Variants in ULK4 observed in about 807,000 individuals in gnomAD.
ULK4 encodes inactive serine/threonine-protein kinase ULK4.
Under a neutral mutation model 160.6 loss-of-function variants are expected in ULK4, and 133 were observed. The ratio of observed to expected loss-of-function variants is 0.83; its 90% CI spans 0.72 to 0.96. The LOEUF (loss-of-function observed/expected upper bound fraction) is 0.96, where lower values mean the gene tolerates loss of function less well. Ranked by LOEUF, ULK4 falls within the 40% of genes least tolerant of loss-of-function variation. The pLI is 0.00. For missense variants in ULK4, 1,580 were observed against 1,499.5 expected, an observed-to-expected ratio of 1.05 and a Z score of -0.89; for synonymous variants, 534 against 539.8, an observed-to-expected ratio of 0.99 and a Z score of 0.15.
At chr3:41,384,018 A>G (rs567535544) in intron 35 of ULK4, among the ~76,000 whole-genome samples, 1 of 152,138 alleles carries the variant, frequency 6.6e-6, no homozygotes, top group South Asian at 2.1e-4. Context: ...GAAATAGGAG[A>G]ATATTCACAG....
At chr3:41,247,044 T>C in intron 36 of ULK4, 52 bp from the exon 37 acceptor site, 1 of 1,563,758 alleles carries the variant, frequency 6.4e-7, no homozygotes, top group Non-Finnish European at 8.7e-7. Context: ...TAAGGTAAAG[T>C]GCTCCCCCCT....
chr3:41,588,457 T>C (rs761425556), intron 31 of ULK4, among the ~76,000 whole-genome samples: 1 of 152,202 alleles, frequency 6.6e-6, no homozygotes. Flanking sequence ...ACTATGGGAC[T>C]GAGTTTACCA....
chr3:41,696,414 C>G (rs1035519888), intron 27 of ULK4, among the ~76,000 whole-genome samples: 5 of 152,252 alleles, frequency 3.3e-5, no homozygotes. Context: ...GAAGGGCCCC[C>G]TGTCCAGTGG....
intron 34 of ULK4, among the ~76,000 whole-genome samples, chr3:41,444,875 C>T (rs995391221): frequency 3.3e-5 from 5 of 151,936 alleles, no homozygotes; most frequent in African/African-American, 9.7e-5. Context: ...CTGGCCAGGG[C>T]AATCAGGCAG....
intron 30 of ULK4, among the ~76,000 whole-genome samples, chr3:41,645,875 C>A (rs1160576207): frequency 1.4e-4 from 21 of 152,048 alleles, no homozygotes; most frequent in Non-Finnish European, 1.8e-4. Flanking sequence ...TCTGGGTGCT[C>A]CTTTATTAGG....
At chr3:41,849,350 C>T (rs1327640297) in intron 17 of ULK4, among the ~76,000 whole-genome samples, 1 of 152,276 alleles carries the variant, frequency 6.6e-6, no homozygotes, top group East Asian at 1.9e-4. Context: ...CCAACATTTA[C>T]GTCATGAATC....
At chr3:41,440,258 C>T (rs2125855709) in intron 34 of ULK4, among the ~76,000 whole-genome samples, 1 of 152,246 alleles carries the variant, frequency 6.6e-6, no homozygotes, top group South Asian at 2.1e-4. Flanking sequence ...TGAAAGCAAA[C>T]ATCTCTGTTT....
In ULK4 at chr3:41,514,213, CAG is replaced by C. The variant is rs369212302; in HGVS notation, c.3227-50962_3227-50961del. 5.3e-3 allele frequency among the ~76,000 whole-genome samples: 812 copies of C among 152,236 alleles called. 12 individuals carry two copies. Among genetic ancestry groups the C allele is most frequent in the African/African-American group, 0.019 (781 of 41,536 alleles). ...CAATTTTAAATGATCAAGAACCACACAGAGAACTGAGCCCAGTTAAAGAGTTA... is the reference window on the plus strand; with the variant it reads ...CAATTTTAAATGATCAAGAACCACACAGAACTGAGCCCAGTTAAAGAGTTA... On this transcript the variant is annotated intron_variant, in intron 32 of 36. Transcript: ENST00000301831.
At position 41,564,347 on chromosome 3, in the gene ULK4, A is replaced by C. The variant is rs147337480; in HGVS notation, c.3226+1678T>G. ...TAGGCTACAAGGGGGTCAGGGACCCACTTGAGGAGGTAGTCCGTCCGTTCT... is the reference window on the plus strand; with the variant it reads ...TAGGCTACAAGGGGGTCAGGGACCCCCTTGAGGAGGTAGTCCGTCCGTTCT... On this transcript the variant is annotated intron_variant, in intron 32 of 36. Transcript: ENST00000301831. Among the ~76,000 whole-genome samples the C allele has an allele frequency of 5.5e-3, 830 of 151,756 alleles. 6 individuals are homozygous for C. The highest frequency in any genetic ancestry group is 9.2e-3 in the Non-Finnish European group (624 of 67,936).
intron 34 of ULK4, among the ~76,000 whole-genome samples, chr3:41,444,586 G>A (rs1403720584): frequency 6.6e-6 from 1 of 152,066 alleles, no homozygotes. Context: ...TTGGTTATTA[G>A]AGTCTAATTA....
In ULK4 at chr3:41,883,954, T is replaced by C. The variant is rs1225239023; in HGVS notation, c.1578-2A>G. The C allele has an allele frequency of 1.2e-6, 2 of 1,604,590 alleles. No homozygotes were observed. The highest frequency in any genetic ancestry group is 2.7e-5 in the African/African-American group (2 of 74,862). On this transcript the variant is annotated splice_acceptor_variant, in intron 16 of 36. Coordinates refer to ENST00000301831, the MANE Select transcript of ULK4 (RefSeq NM_017886.4). LOFTEE classifies it high-confidence loss of function. ...ATTACGTGAGCAACCTTGGCCCGTC[T>C]GTAAATGGAGAGAAAACAGGCTCTG...
intron 5 of ULK4, among the ~76,000 whole-genome samples, chr3:41,924,711 C>T (rs963345261): frequency 2.0e-5 from 3 of 152,184 alleles, no homozygotes; most frequent in Admixed American, 6.6e-5. Context: ...TCTTCTTGGG[C>T]ATGAAATCTT....
intron 32 of ULK4, among the ~76,000 whole-genome samples, chr3:41,544,251 C>A (rs1233534344): frequency 6.6e-6 from 1 of 152,166 alleles, no homozygotes; most frequent in Admixed American, 6.6e-5. Context: ...AGTCTATATT[C>A]CCTGTAGAGT....
At chr3:41,622,678 G>C (rs1213608903) in intron 30 of ULK4, among the ~76,000 whole-genome samples, 1 of 152,098 alleles carries the variant, frequency 6.6e-6, no homozygotes, top group Non-Finnish European at 1.5e-5. Flanking sequence ...ATGATGGGTT[G>C]ATAGGTGTAG....
At chr3:41,566,157 A>G in intron 31 of ULK4, 27 bp from the exon 32 acceptor site, 3 of 1,569,630 alleles carry the variant, frequency 1.9e-6, no homozygotes, top group Non-Finnish European at 1.7e-6. Flanking sequence ...TTTCCATCAT[A>G]ACCATACAGA....
At chr3:41,490,376 T>G (rs796365483) in intron 32 of ULK4, among the ~76,000 whole-genome samples, 10 of 152,304 alleles carry the variant, frequency 6.6e-5, no homozygotes, top group African/African-American at 2.4e-4. Context: ...CCAGAATGTA[T>G]GTTCATAGCT....
At chr3:41,938,250 T>C in intron 2 of ULK4, 53 bp from the exon 3 acceptor site, 1 of 1,427,624 alleles carries the variant, frequency 7.0e-7, no homozygotes, top group Non-Finnish European at 9.6e-7. Context: ...AACTCTTACA[T>C]CTACTGAGAA....
chr3:41,561,712 CTT>C (rs2087577682), intron 32 of ULK4, among the ~76,000 whole-genome samples: 1 of 152,098 alleles, frequency 6.6e-6, no homozygotes, highest in South Asian at 2.1e-4. Flanking sequence ...GTGATATCCT[CTT>C]TATCATTTTT....
chr3:41,952,517 A>G (rs1700324888), intron 2 of ULK4, among the ~76,000 whole-genome samples: 1 of 152,114 alleles, frequency 6.6e-6, no homozygotes, highest in Non-Finnish European at 1.5e-5. Flanking sequence ...AACAACAATG[A>G]GATACCACCT....
Sources: gnomAD v4.1 joint callset for allele counts (sites outside exome capture counted in the v4.1 genomes callset) on GRCh38, gnomAD v4.1.1 for gene constraint, MANE v1.5 for transcripts, NCBI Gene and HGNC (gene_info 2026-07-23, HGNC 2026-07-21) for gene names.